Variants in C9orf153 observed in about 807,000 individuals in gnomAD.
C9orf153 encodes uncharacterized protein C9orf153.
A neutral mutation model predicts 9.0 loss-of-function variants in C9orf153; 10 were observed. The observed-to-expected ratio is 1.11, with a 90% CI of 0.69 to 1.89. The LOEUF (loss-of-function observed/expected upper bound fraction) is 1.89, where lower values mean the gene tolerates loss of function less well. C9orf153 is among the 40% of genes most tolerant of loss of function. The pLI, the probability that C9orf153 is intolerant of heterozygous loss-of-function variation, is 0.00. For synonymous variants in C9orf153, 35 were observed against 37.3 expected (o/e 0.94, Z 0.23); for missense variants, 108 against 111.0 (o/e 0.97, Z 0.12).
chr9:86,241,631 G>T (rs1265907715), intron 1 of C9orf153, among the ~76,000 whole-genome samples: 2 of 148,538 alleles, frequency 1.3e-5, no homozygotes, highest in Admixed American at 6.7e-5. Flanking sequence ...ACATTTCGTT[G>T]TTTTTTTTTT....
chr9:86,242,343 G>A (rs1037490145), intron 1 of C9orf153, among the ~76,000 whole-genome samples: 1 of 143,446 alleles, frequency 7.0e-6, no homozygotes, highest in African/African-American at 2.6e-5. Context: ...AAGGAAGACA[G>A]GATCTGGCTT....
chr9:86,232,080 A>G lies in C9orf153; in HGVS notation c.-26-2451T>C, dbSNP rs115981377. On this transcript the variant is annotated intron_variant, in intron 1 of 3. Transcript: ENST00000339137. The stretch of plus-strand genomic sequence containing the variant: ...TCAGCAGTGCCAATATCCAACTTCA[A>G]TGGCCAATCTCCAACTCTCTATACA... 9.9e-3 allele frequency among the ~76,000 whole-genome samples: 1,511 copies of G among 152,184 alleles called. 24 individuals are homozygous for G. Among genetic ancestry groups the G allele is most frequent in the African/African-American group, 0.035 (1,439 of 41,520 alleles).
rs934143276 is a variant in C9orf153, at chr9:86,241,932, G to T, written c.-26-12303C>A. ...TGAGCCACTATGCCCGGCCTCTTGT[G>T]GAGTTTACAGGCTAGCAAGGGGGAA... On this transcript the variant is annotated intron_variant, in intron 1 of 3. Coordinates refer to ENST00000339137, the MANE Select transcript of C9orf153 (RefSeq NM_001276366.4). Among the ~76,000 whole-genome samples the T allele has an allele frequency of 4.2e-4, 64 of 152,142 alleles. 1 individual carries two copies. Among genetic ancestry groups the T allele is most frequent in the Non-Finnish European group, 8.8e-5 (6 of 68,028 alleles).
At chr9:86,257,945 G>A (rs550979176) in intron 1 of C9orf153, among the ~76,000 whole-genome samples, 14 of 152,296 alleles carry the variant, frequency 9.2e-5, no homozygotes, top group Admixed American at 7.8e-4. Context: ...GAGGGGGAGA[G>A]AGCTCATCAA....
rs747527446 is a variant in C9orf153 at position 86,220,610 on chromosome 9, CT to C, written c.*1077del. 2 of 152,128 alleles carry C rather than the reference CT, an allele frequency of 1.3e-5. No individual in the cohort carries two copies. Among genetic ancestry groups the C allele is most frequent in the African/African-American group, 2.4e-5 (1 of 41,420 alleles). The allele number at this position is 152,128 out of a possible 1,614,324, so 9.4% of individuals were successfully genotyped here. A position where few individuals can be genotyped will look rare whatever the true frequency, so the allele number is the denominator to read the frequency against. The stretch of plus-strand genomic sequence containing the variant: ...ATTTCTTTGTATGTAATCCATCTCT[CT>C]TTCGTAGATTATATTTTCCTTTACT... On this transcript the variant is annotated 3_prime_UTR_variant, in exon 4 of 4. Transcript: ENST00000339137.
intron 1 of C9orf153, among the ~76,000 whole-genome samples, chr9:86,233,045 T>C (rs866593083): frequency 6.6e-6 from 1 of 152,216 alleles, no homozygotes; most frequent in African/African-American, 2.4e-5. Context: ...TCCTCATAAC[T>C]CTTGTGGAAT....
chr9:86,236,834 C>G (rs1442700045), intron 1 of C9orf153, among the ~76,000 whole-genome samples: 1 of 151,074 alleles, frequency 6.6e-6, no homozygotes, highest in Admixed American at 6.6e-5. Flanking sequence ...GACTAGGTGG[C>G]TCATGCCTGT....
chr9:86,246,094 C>A (rs1191184428), intron 1 of C9orf153, among the ~76,000 whole-genome samples: 5 of 152,188 alleles, frequency 3.3e-5, no homozygotes, highest in Non-Finnish European at 7.3e-5. Flanking sequence ...ATGTAACAAA[C>A]ATGTCACTGA....
chr9:86,240,226 C>T (rs1277978557), intron 1 of C9orf153, among the ~76,000 whole-genome samples: 2 of 152,088 alleles, frequency 1.3e-5, no homozygotes, highest in Non-Finnish European at 2.9e-5. Flanking sequence ...GCACCCCTTC[C>T]CTAGCATCAA....
At chr9:86,238,280 C>T (rs960559886) in intron 1 of C9orf153, among the ~76,000 whole-genome samples, 1 of 152,134 alleles carries the variant, frequency 6.6e-6, no homozygotes, top group Admixed American at 6.6e-5. Flanking sequence ...CATCAATCAA[C>T]TGGATATAAT....
intron 1 of C9orf153, among the ~76,000 whole-genome samples, chr9:86,241,090 C>T (rs369778098): frequency 6.6e-6 from 1 of 152,094 alleles, no homozygotes; most frequent in Non-Finnish European, 1.5e-5. Context: ...ATATATTGAG[C>T]TTATTTTTTC....
At chr9:86,242,771 C>T (rs1343089027) in intron 1 of C9orf153, among the ~76,000 whole-genome samples, 5 of 152,140 alleles carry the variant, frequency 3.3e-5, no homozygotes, top group South Asian at 2.1e-4. Context: ...TTCCACCTCC[C>T]GGGTTCAAGT....
In C9orf153 at chr9:86,229,458, C is replaced by T. The variant is rs140796498; in HGVS notation, c.66+80G>A. 9.5e-4 allele frequency: 919 copies of T among 967,436 alleles called. 3 individuals are homozygous for T. The highest frequency in any genetic ancestry group is 8.9e-3 in the African/African-American group (550 of 61,882). 59.9% of individuals were successfully genotyped at this position (967,436 alleles called of 1,614,324 possible). On this transcript the variant is annotated intron_variant, in intron 2 of 3. Transcript: ENST00000339137. The stretch of plus-strand genomic sequence containing the variant: ...CATGGCTCCCAAGTGTGTCACTGTG[C>T]GTTCAATAGTTTGAATGTTTATGAT...
intron 1 of C9orf153, among the ~76,000 whole-genome samples, chr9:86,257,076 CTCT>C (rs1319143639): frequency 6.6e-6 from 1 of 152,142 alleles, no homozygotes; most frequent in African/African-American, 2.4e-5. Context: ...TTAGAACTAC[CTCT>C]TCTTTTTTCC....
rs1824202344 is a variant in C9orf153 at position 86,221,514 on chromosome 9, G to A, written c.*174C>T. On this transcript the variant is annotated 3_prime_UTR_variant, in exon 4 of 4. Transcript: ENST00000339137. ...AATACACTACATATTCCATTTAAGA[G>A]AATAACTTCCTTCATTTTGATAATC... The A allele has an allele frequency of 7.3e-7, 1 of 1,370,348 alleles. No individual in the cohort carries two copies. The highest frequency in any genetic ancestry group is 9.4e-7 in the Non-Finnish European group (1 of 1,063,240). 84.9% of individuals were successfully genotyped at this position (1,370,348 alleles called of 1,614,324 possible). A position where few individuals can be genotyped will look rare whatever the true frequency, so the allele number is the denominator to read the frequency against.
At chr9:86,254,090 CAAAAAAAA>C (rs35119532) in intron 1 of C9orf153, among the ~76,000 whole-genome samples, 2 of 108,216 alleles carry the variant, frequency 1.8e-5, no homozygotes, top group Admixed American at 9.8e-5. Flanking sequence ...GACTCCATTT[CAAAAAAAA>C]AAAAAAAAAA....
chr9:86,226,803 G>A (rs1824347548), intron 3 of C9orf153, among the ~76,000 whole-genome samples: 1 of 151,708 alleles, frequency 6.6e-6, no homozygotes, highest in South Asian at 2.1e-4. Flanking sequence ...TTGTCCTCGT[G>A]GCCCAGGCTT....
At chr9:86,244,770 T>C (rs1366253710) in intron 1 of C9orf153, among the ~76,000 whole-genome samples, 1 of 152,206 alleles carries the variant, frequency 6.6e-6, no homozygotes, top group Admixed American at 6.5e-5. Context: ...ATCCCAGGGA[T>C]AACCACCCTC....
intron 1 of C9orf153, among the ~76,000 whole-genome samples, chr9:86,231,799 T>C (rs1239378291): frequency 6.6e-6 from 1 of 152,162 alleles, no homozygotes; most frequent in Admixed American, 6.6e-5. Flanking sequence ...GCTTTCCTCC[T>C]GCAAAGGAAG....
Sources: allele counts gnomAD v4.1 joint callset (sites outside exome capture counted in the v4.1 genomes callset), GRCh38; gene constraint gnomAD v4.1.1; transcripts MANE v1.5; gene names NCBI Gene and HGNC (gene_info 2026-07-23, HGNC 2026-07-21).